CASD1: variants seen among roughly 807,000 people sequenced by gnomAD.
CASD1 encodes N-acetylneuraminate (7)9-O-acetyltransferase.
A neutral mutation model predicts 100.0 loss-of-function variants in CASD1; 41 were observed. The observed-to-expected ratio is 0.41, with a 90% confidence interval of 0.32 to 0.53. The LOEUF is 0.53. Among genes scored for constraint, CASD1 ranks in the 20% least tolerant of loss-of-function variants. CASD1 has a pLI of 0.25. For missense variants in CASD1, 774 were observed against 948.7 expected (o/e 0.82, Z 2.42); for synonymous variants, 321 against 315.6 (o/e 1.02, Z -0.18).
chr7:94,509,954 G>C lies in CASD1; in HGVS notation c.-131G>C, dbSNP rs1793602507. ...GCCGCGGGGTCAGGTTCCCCGGCGG[G>C]AGGCGCAGGTGGCGGCCTGGGGAGC... On this transcript the variant is annotated 5_prime_UTR_variant, in exon 1 of 18. Coordinates refer to ENST00000297273, the MANE Select transcript of CASD1 (RefSeq NM_022900.5). 1 of 1,207,714 alleles carries C rather than the reference G, an allele frequency of 8.3e-7. No individual in the cohort carries two copies. Among genetic ancestry groups the C allele is most frequent in the African/African-American group, 1.6e-5 (1 of 62,722 alleles). 74.8% of individuals were successfully genotyped at this position (1,207,714 alleles called of 1,614,324 possible).
intron 12 of CASD1, among the ~76,000 whole-genome samples, chr7:94,546,070 T>C (rs979905029): frequency 6.6e-6 from 1 of 152,092 alleles, no homozygotes; most frequent in African/African-American, 2.4e-5. Context: ...CATGCCCCTA[T>C]GTTTTGCTTC....
At chr7:94,626,904 T>C in the CASD1 span, 1 of 152,014 alleles carries the variant, frequency 6.6e-6, no homozygotes, top group Non-Finnish European at 1.5e-5. Flanking sequence ...CAAGAATAGG[T>C]AGTAAATTTT....
At chr7:94,545,748 T>C (rs759991546) in intron 12 of CASD1, 47 bp downstream of exon 12, 24 of 1,324,482 alleles carry the variant, frequency 1.8e-5, no homozygotes, top group Non-Finnish European at 2.3e-5. Context: ...TTTTTCAACG[T>C]GTGAAATTTC....
At chr7:94,595,401 C>T in the CASD1 span, among the ~76,000 whole-genome samples, 8 of 152,070 alleles carry the variant, frequency 5.3e-5, no homozygotes, top group South Asian at 2.1e-4. Context: ...TGAATATTTC[C>T]GGTATCAATC....
At chr7:94,557,156 G>C (rs1796237772), downstream of CASD1, 1 of 152,072 alleles carries the variant, frequency 6.6e-6, no homozygotes, top group African/African-American at 2.4e-5. Context: ...CAGAGCTTCA[G>C]AGGGTCATCT....
At chr7:94,629,875 G>T in the CASD1 span, 2 of 1,607,858 alleles carry the variant, frequency 1.2e-6, no homozygotes, top group Non-Finnish European at 1.7e-6. Context: ...GTGACAGAAA[G>T]ACAAATAATG....
the CASD1 span, among the ~76,000 whole-genome samples, chr7:94,604,113 T>C: frequency 1.3e-5 from 2 of 152,082 alleles, no homozygotes; most frequent in African/African-American, 2.4e-5. Context: ...GGGGGAATTA[T>C]GGGGAAAGAT....
chr7:94,567,589 C>T, the CASD1 span, among the ~76,000 whole-genome samples: 8 of 152,162 alleles, frequency 5.3e-5, no homozygotes, highest in African/African-American at 1.9e-4. Flanking sequence ...TGTCTCTCAA[C>T]ATTGTGGTCA....
chr7:94,542,481 A>G (rs941973802), intron 10 of CASD1, among the ~76,000 whole-genome samples: 1 of 152,228 alleles, frequency 6.6e-6, no homozygotes, highest in South Asian at 2.1e-4. Context: ...GTTAAATAAA[A>G]TATATTTATT....
At chr7:94,631,310 T>TA in the CASD1 span, among the ~76,000 whole-genome samples, 2 of 151,708 alleles carry the variant, frequency 1.3e-5, no homozygotes, top group African/African-American at 4.8e-5. Context: ...TTTTTTTTTT[T>TA]ACCAGTTTGA....
chr7:94,598,791 A>G, the CASD1 span: 4 of 1,612,014 alleles, frequency 2.5e-6, no homozygotes, highest in African/African-American at 4.0e-5. Flanking sequence ...GTTTGCATCA[A>G]TGGCATGTTT....
the CASD1 span, chr7:94,599,494 G>A: frequency 6.9e-6 from 4 of 580,290 alleles, no homozygotes; most frequent in East Asian, 2.8e-5. Flanking sequence ...TTTTATCTGT[G>A]TAATCTTAGT....
At chr7:94,565,875 G>C in the CASD1 span, among the ~76,000 whole-genome samples, 1,809 of 152,298 alleles carry the variant, frequency 0.012, 34 homozygotes, top group African/African-American at 0.041. Flanking sequence ...GGATAAAGGG[G>C]AAAGGTACCA....
At chr7:94,630,256 C>T in the CASD1 span, among the ~76,000 whole-genome samples, 1 of 151,570 alleles carries the variant, frequency 6.6e-6, no homozygotes, top group African/African-American at 2.4e-5. Flanking sequence ...AAGCAAAGTA[C>T]AGAGTAATTT....
chr7:94,523,255 C>T (rs1229348381), intron 3 of CASD1, among the ~76,000 whole-genome samples: 1 of 152,038 alleles, frequency 6.6e-6, no homozygotes, highest in African/African-American at 2.4e-5. Flanking sequence ...CTGAGGAGTT[C>T]ATATGATACA....
At chr7:94,588,523 A>G in the CASD1 span, 188 of 1,453,018 alleles carry the variant, frequency 1.3e-4, 1 homozygote, top group Middle Eastern at 1.0e-3. Flanking sequence ...CAATCTATGT[A>G]ATAATCTAAG....
the CASD1 span, among the ~76,000 whole-genome samples, chr7:94,575,264 T>C: frequency 2.6e-5 from 4 of 152,204 alleles, no homozygotes; most frequent in African/African-American, 9.7e-5. Context: ...TTTAATTATT[T>C]TCAAAGAATT....
rs925218763 is a variant in CASD1, at chr7:94,555,793, G to T, written c.*35G>T. On this transcript the variant is annotated 3_prime_UTR_variant, in exon 18 of 18. Transcript: ENST00000297273. ...ATTCTAAAAAACCTAAACTCTTCAG[G>T]CTACCTTTGTGTGTCTCTAGAAGAG... The T allele has an allele frequency of 6.3e-7, 1 of 1,583,700 alleles. No homozygotes were observed. Among genetic ancestry groups the T allele is most frequent in the Non-Finnish European group, 8.6e-7 (1 of 1,165,974 alleles).
chr7:94,598,762 A>G, the CASD1 span: 12 of 1,567,628 alleles, frequency 7.7e-6, no homozygotes, highest in Non-Finnish European at 1.1e-5. Context: ...TATGGCTCTA[A>G]GTGGACACTT....
Sources: gnomAD v4.1 joint callset for allele counts (sites outside exome capture counted in the v4.1 genomes callset) on GRCh38, gnomAD v4.1.1 for gene constraint, MANE v1.5 for transcripts, NCBI Gene and HGNC (gene_info 2026-07-23, HGNC 2026-07-21) for gene names.